Variants in RBM25 observed in about 807,000 individuals in gnomAD.
RBM25 encodes RNA binding motif protein 25, also known as RNA-binding protein 25.
RBM25 carries 19 observed loss-of-function variants against 120.7 expected under a neutral mutation model. The ratio of observed to expected loss-of-function variants is 0.16; its 90% confidence interval spans 0.11 to 0.23. The LOEUF (loss-of-function observed/expected upper bound fraction) is 0.23. RBM25 is among the 10% of genes least tolerant of loss of function. The pLI is 1.00. For synonymous variants in RBM25, 390 were observed against 326.7 expected (o/e 1.19, Z -2.09); for missense variants, 605 against 1,041.5 (o/e 0.58, Z 5.77).
chr14:73,068,281 T>A, intron 1 of RBM25: 1 of 848,282 alleles, frequency 1.2e-6, no homozygotes, highest in Non-Finnish European at 2.0e-6. Context: ...TAGATTTGGT[T>A]TGTGGGTCAC....
At position 73,099,687 on chromosome 14, in the gene RBM25, A is replaced by C. The variant is rs765173748; in HGVS notation, c.804A>C (p.Glu268Asp). Residue 268 changes from glutamate to aspartate, a missense_variant, in exon 9 of 19, where the codon GAA (glutamate) becomes GAC (aspartate). Transcript: ENST00000261973. ...TTTAGGAGGATATAAATGCTATAGA[A>C]ATGGAAGAAGACAAAAGAGACCTGA... Reference protein sequence around the residue: ...LITKEDINAIEMEEDKRDLIS... With the variant: ...LITKEDINAIDMEEDKRDLIS... 1 of 1,604,816 alleles carries C rather than the reference A, an allele frequency of 6.2e-7. No homozygotes were observed. The highest frequency in any genetic ancestry group is 8.5e-7 in the Non-Finnish European group (1 of 1,177,822).
In RBM25 at chr14:73,123,460, A is replaced by G. The variant is rs188525095; in HGVS notation, c.*3655A>G. 6.6e-6 allele frequency: 1 copy of G among 152,296 alleles called. No homozygotes were observed. The highest frequency in any genetic ancestry group is 6.5e-5 in the Admixed American group (1 of 15,296). 9.4% of individuals were successfully genotyped at this position (152,296 alleles called of 1,614,324 possible). On this transcript the variant is annotated 3_prime_UTR_variant, in exon 19 of 19. Coordinates refer to ENST00000261973, the MANE Select transcript of RBM25 (RefSeq NM_021239.3). ...GTTGTATTTCAGTCTTCTGTTAAGT[A>G]TGAAATTGAGAAATAGTTTTGCTCA...
At chr14:73,095,315 A>G (rs749978453) in intron 6 of RBM25, among the ~76,000 whole-genome samples, 2 of 106,436 alleles carry the variant, frequency 1.9e-5, no homozygotes, top group Non-Finnish European at 3.7e-5. Context: ...TATGCTCTTA[A>G]GAATTTGTTG....
At chr14:73,060,063 G>A (rs1441577158) in intron 1 of RBM25, among the ~76,000 whole-genome samples, 1 of 151,630 alleles carries the variant, frequency 6.6e-6, no homozygotes, top group African/African-American at 2.4e-5. Context: ...TTTTTAAGAC[G>A]GAGTCTTGCT....
intron 13 of RBM25, among the ~76,000 whole-genome samples, chr14:73,108,952 T>C (rs1566599949): frequency 1.3e-5 from 2 of 152,226 alleles, no homozygotes; most frequent in Non-Finnish European, 2.9e-5. Context: ...AAATTGAGGA[T>C]ACAGAACTCT....
intron 1 of RBM25, chr14:73,064,827 T>C (rs933760716): frequency 6.0e-5 from 9 of 151,214 alleles, no homozygotes; most frequent in African/African-American, 2.2e-4. Context: ...TATGGAAAAA[T>C]TTGAAGTGAA....
intron 1 of RBM25, chr14:73,064,939 G>T (rs1252192059): frequency 1.3e-5 from 2 of 150,166 alleles, no homozygotes; most frequent in Non-Finnish European, 3.0e-5. Flanking sequence ...TAAATACCAA[G>T]AATATAGAGT....
chr14:73,093,812 G>A (rs1410563796), intron 6 of RBM25, among the ~76,000 whole-genome samples: 5 of 150,832 alleles, frequency 3.3e-5, no homozygotes, highest in Non-Finnish European at 5.9e-5. Context: ...CGGCCATCTG[G>A]TTTCTGAAGT....
chr14:73,074,469 A>C (rs1895366499), intron 2 of RBM25, among the ~76,000 whole-genome samples: 1 of 152,092 alleles, frequency 6.6e-6, no homozygotes, highest in African/African-American at 2.4e-5. Flanking sequence ...ATGGTGGCTC[A>C]TACCTGTAAT....
intron 9 of RBM25, chr14:73,100,587 G>C (rs944442559): frequency 6.1e-6 from 2 of 327,028 alleles, no homozygotes; most frequent in Middle Eastern, 8.2e-4. Context: ...AATGTATTTT[G>C]ATGGTCGAGA....
intron 1 of RBM25, among the ~76,000 whole-genome samples, chr14:73,065,855 G>C (rs948086709): frequency 6.7e-6 from 1 of 148,870 alleles, no homozygotes; most frequent in African/African-American, 2.6e-5. Flanking sequence ...GCCCCTGACC[G>C]AGAGTTTTAG....
intron 16 of RBM25, 130 bp from the exon 17 acceptor site, chr14:73,112,022 G>A: frequency 9.5e-7 from 1 of 1,049,592 alleles, no homozygotes; most frequent in Non-Finnish European, 1.4e-6. Context: ...ATTGTATCTT[G>A]ATACATATCT....
chr14:73,115,153 C>T (rs894574357), intron 18 of RBM25, among the ~76,000 whole-genome samples: 14 of 146,680 alleles, frequency 9.5e-5, no homozygotes, highest in African/African-American at 1.8e-4. Flanking sequence ...GGAACTGATA[C>T]GTGTGTGTGT....
chr14:73,110,814 T>G lies in RBM25; in HGVS notation c.1693-17T>G, dbSNP rs1276354379. 6.3e-7 allele frequency: 1 copy of G among 1,589,308 alleles called. No homozygotes were observed. The highest frequency in any genetic ancestry group is 8.5e-7 in the Non-Finnish European group (1 of 1,172,608). Reference sequence around the variant, plus strand: ...GGTGTAGAGTTGTAGTTAATCAGATTATTGTTTGGGTTTTAGATGGAACAA... The same window carrying G: ...GGTGTAGAGTTGTAGTTAATCAGATGATTGTTTGGGTTTTAGATGGAACAA... On this transcript the variant is annotated splice_polypyrimidine_tract_variant and intron_variant, in intron 14 of 18. Coordinates refer to ENST00000261973, the MANE Select transcript of RBM25 (RefSeq NM_021239.3).
chr14:73,119,030 A>G (rs1896492086), intron 18 of RBM25, among the ~76,000 whole-genome samples: 1 of 152,030 alleles, frequency 6.6e-6, no homozygotes, highest in South Asian at 2.1e-4. Flanking sequence ...CAGCCTCCCA[A>G]AGTGCTGGGA....
At position 73,099,743 on chromosome 14, in the gene RBM25, C is replaced by G; in HGVS notation, c.860C>G (p.Thr287Arg). The change falls in exon 9 of 19, where the codon ACA becomes AGA. Residue 287 changes from threonine to arginine, a missense_variant. Thr to Arg is a moderately conservative substitution (Grantham distance 71). Around this residue, in one of 4 missense-constraint regions of RBM25, gnomAD observed 465 missense variants for 741.6 expected, o/e 0.63. Transcript: ENST00000261973. The part of the protein sequence containing the change: ...ISREISKFRD[T>R]HKKLEEEKGK... ...CGAGAGATCAGCAAATTCAGAGACA[C>G]ACATAAGGTAGTATTCTTGTCTTTT... The G allele has an allele frequency of 1.2e-6, 2 of 1,608,036 alleles. No individual in the cohort carries two copies. Among genetic ancestry groups the G allele is most frequent in the Non-Finnish European group, 1.7e-6 (2 of 1,178,554 alleles).
chr14:73,079,362 G>A (rs1173049819), intron 4 of RBM25, among the ~76,000 whole-genome samples: 2 of 150,760 alleles, frequency 1.3e-5, no homozygotes, highest in Non-Finnish European at 3.0e-5. Flanking sequence ...GGCGGAGGTT[G>A]CAGTGAGTTG....
intron 1 of RBM25, among the ~76,000 whole-genome samples, chr14:73,066,516 T>C (rs1895138132): frequency 6.6e-6 from 1 of 152,064 alleles, no homozygotes; most frequent in East Asian, 1.9e-4. Context: ...GCGTGCCTTG[T>C]GGTGTGCACC....
chr14:73,115,691 G>T (rs1282675599), intron 18 of RBM25, among the ~76,000 whole-genome samples: 1 of 152,214 alleles, frequency 6.6e-6, no homozygotes, highest in Non-Finnish European at 1.5e-5. Context: ...GATGGTAAAG[G>T]TTGAGCAAGA....
Sources: allele counts gnomAD v4.1 joint callset (sites outside exome capture counted in the v4.1 genomes callset), GRCh38; gene constraint gnomAD v4.1.1; regional missense constraint gnomAD v4.1.1; transcripts MANE v1.5; gene names NCBI Gene and HGNC (gene_info 2026-07-23, HGNC 2026-07-21).